The following NPY2R variants were observed in gnomAD, a reference collection of about 807,000 sequenced individuals.
NPY2R encodes neuropeptide Y receptor type 2.
NPY2R carries 17 observed loss-of-function variants against 22.3 expected under a neutral mutation model. The ratio of observed to expected loss-of-function variants is 0.76; its 90% CI spans 0.52 to 1.14. NPY2R has a LOEUF of 1.14. NPY2R is among the 50% of genes most tolerant of loss of function. The pLI is 0.00. For synonymous variants in NPY2R, 209 were observed against 183.4 expected (o/e 1.14, Z -1.13); for missense variants, 424 against 467.9 (o/e 0.91, Z 0.87).
chr4:155,204,896 T>A (rs984599534), upstream of NPY2R, among the ~76,000 whole-genome samples: 3 of 151,446 alleles, frequency 2.0e-5, no homozygotes, highest in African/African-American at 7.3e-5. Flanking sequence ...GCTATTGGTT[T>A]CAGGACCCCT....
upstream of NPY2R, chr4:155,206,399 A>G (rs1729285038): frequency 6.6e-6 from 1 of 152,256 alleles, no homozygotes; most frequent in South Asian, 2.1e-4. Flanking sequence ...TTACTACAAT[A>G]CACAGGATAT....
rs569611898 is a variant in NPY2R, at chr4:155,215,092, T to C, written c.*7T>C. On this transcript the variant is annotated 3_prime_UTR_variant, in exon 2 of 2. Transcript: ENST00000329476. ...AGAGGCTACCAATGTCTAAGGAAGC[T>C]GTGGTGTGAAAATGTATGGATGAAT... 1 of 1,611,806 alleles carries C rather than the reference T, an allele frequency of 6.2e-7. No individual in the cohort carries two copies. Among genetic ancestry groups the C allele is most frequent in the South Asian group, 1.1e-5 (1 of 91,064 alleles).
At chr4:155,193,340 A>G in the NPY2R span, among the ~76,000 whole-genome samples, 2 of 151,948 alleles carry the variant, frequency 1.3e-5, no homozygotes, top group East Asian at 3.9e-4. Flanking sequence ...ACAGGTATTT[A>G]AATCCAGGCA....
At chr4:155,206,354 C>T (rs1207685276), upstream of NPY2R, among the ~76,000 whole-genome samples, 1 of 152,212 alleles carries the variant, frequency 6.6e-6, no homozygotes, top group Non-Finnish European at 1.5e-5. Flanking sequence ...AGTGTCACAA[C>T]TGGGTTTATG....
the NPY2R span, among the ~76,000 whole-genome samples, chr4:155,202,639 C>T: frequency 6.6e-6 from 1 of 152,124 alleles, no homozygotes; most frequent in African/African-American, 2.4e-5. Flanking sequence ...AAACATTTCA[C>T]CATCTCCAAA....
the NPY2R span, among the ~76,000 whole-genome samples, chr4:155,188,293 C>A: frequency 6.6e-6 from 1 of 152,038 alleles, no homozygotes; most frequent in Non-Finnish European, 1.5e-5. Context: ...GTTCTATGTA[C>A]ATTATTTTTT....
At chr4:155,191,706 C>T in the NPY2R span, among the ~76,000 whole-genome samples, 1 of 151,884 alleles carries the variant, frequency 6.6e-6, no homozygotes, top group East Asian at 1.9e-4. Context: ...TCCTATGGAA[C>T]ATTAACCATG....
At position 155,214,426 on chromosome 4, in the gene NPY2R, C is replaced by G; in HGVS notation, c.487C>G (p.Arg163Gly). ...VYHLESKISK[R>G]ISFLIIGLAW... ...CCACCTAGAGAGCAAGATCTCCAAG[C>G]GAATCAGCTTCCTGATTATTGGCTT... The change falls in exon 2 of 2, where the codon CGA becomes GGA. Residue 163 changes from arginine (R) to glycine (G), a missense_variant. By Grantham distance (125) the Arg-to-Gly change is moderately radical. Transcript: ENST00000329476. 1 of 1,614,062 alleles carries G rather than the reference C, an allele frequency of 6.2e-7. No individual in the cohort carries two copies. The highest frequency in any genetic ancestry group is 8.5e-7 in the Non-Finnish European group (1 of 1,180,010).
the NPY2R span, among the ~76,000 whole-genome samples, chr4:155,191,520 G>T: frequency 1.3e-5 from 2 of 151,826 alleles, no homozygotes; most frequent in Non-Finnish European, 2.9e-5. Context: ...GAGGTACACT[G>T]AAGTACCATA....
the NPY2R span, among the ~76,000 whole-genome samples, chr4:155,188,686 C>T: frequency 6.6e-6 from 1 of 152,130 alleles, no homozygotes; most frequent in Non-Finnish European, 1.5e-5. Flanking sequence ...AGCCTCCAGG[C>T]AACAGCTAGC....
upstream of NPY2R, among the ~76,000 whole-genome samples, chr4:155,205,849 C>CTATCTA (rs1286895993): frequency 6.6e-6 from 1 of 150,540 alleles, no homozygotes; most frequent in Non-Finnish European, 1.5e-5. Context: ...ATCTATCTAT[C>CTATCTA]TATCTATGAT....
intron 1 of NPY2R, among the ~76,000 whole-genome samples, chr4:155,209,806 G>C (rs1313094507): frequency 6.6e-6 from 1 of 151,984 alleles, no homozygotes; most frequent in Admixed American, 6.6e-5. Flanking sequence ...CATTGTGCTT[G>C]ATAAGATGTG....
rs1458072091 is a variant in NPY2R, at chr4:155,208,885, C to G, written c.-233C>G. On this transcript the variant is annotated 5_prime_UTR_variant, in exon 1 of 2. Coordinates refer to ENST00000329476, the MANE Select transcript of NPY2R (RefSeq NM_000910.4). The surrounding 1 kb of genome is among the most constrained non-coding windows in gnomAD (Gnocchi z 5.6). ...GACCCGGCAGCGCCAACCGCCCAGC[C>G]GCTCTGACTGCTCCGGCTGCCCGCC... The G allele has an allele frequency of 2.6e-5, 4 of 152,170 alleles. No homozygotes were observed. The highest frequency in any genetic ancestry group is 4.4e-5 in the Non-Finnish European group (3 of 68,060). The allele number at this position is 152,170 out of a possible 1,614,324, so 9.4% of individuals were successfully genotyped here.
At chr4:155,185,030 C>CTA in the NPY2R span, among the ~76,000 whole-genome samples, 16 of 97,042 alleles carry the variant, frequency 1.6e-4, no homozygotes, top group African/African-American at 4.9e-4. Flanking sequence ...TTAGGTACAA[C>CTA]TATATATATA....
upstream of NPY2R, among the ~76,000 whole-genome samples, chr4:155,205,915 G>A (rs1324655100): frequency 6.6e-6 from 1 of 151,568 alleles, no homozygotes; most frequent in Non-Finnish European, 1.5e-5. Flanking sequence ...AAATTAATTT[G>A]GTTTATTTAA....
chr4:155,212,562 C>G (rs1435516818), intron 1 of NPY2R, among the ~76,000 whole-genome samples: 1 of 152,082 alleles, frequency 6.6e-6, no homozygotes, highest in African/African-American at 2.4e-5. Flanking sequence ...AGTAAAGGCG[C>G]CAGGATGGTA....
At chr4:155,213,856 G>T in intron 1 of NPY2R, 36 bp from the exon 2 acceptor site, 1 of 1,127,600 alleles carries the variant, frequency 8.9e-7, no homozygotes, top group Non-Finnish European at 1.3e-6. Context: ...GGTTTTTGTT[G>T]TTGTTGTTTT....
the NPY2R span, among the ~76,000 whole-genome samples, chr4:155,197,927 G>A: frequency 3.3e-5 from 5 of 151,758 alleles, no homozygotes; most frequent in Non-Finnish European, 7.4e-5. Flanking sequence ...GTGCCTGGCG[G>A]GCTCTGCACA....
the NPY2R span, among the ~76,000 whole-genome samples, chr4:155,185,241 T>C: frequency 6.6e-6 from 1 of 152,072 alleles, no homozygotes; most frequent in African/African-American, 2.4e-5. Context: ...GGTTTCACCA[T>C]ATTGGCCAGG....
Sources: allele counts gnomAD v4.1 joint callset (sites outside exome capture counted in the v4.1 genomes callset), GRCh38; gene constraint gnomAD v4.1.1; non-coding constraint Gnocchi (gnomAD v3.1); transcripts MANE v1.5; gene names NCBI Gene and HGNC (gene_info 2026-07-23, HGNC 2026-07-21).